The following ANKMY1 variants were observed in gnomAD, a reference collection of about 807,000 sequenced individuals.
ANKMY1 encodes ankyrin repeat and MYND domain containing 1, also known as ankyrin repeat and MYND domain-containing protein 1.
A neutral mutation model predicts 102.0 loss-of-function variants in ANKMY1; 98 were observed. The observed-to-expected ratio is 0.96, with a 90% confidence interval of 0.82 to 1.14. The LOEUF is 1.14. ANKMY1 is among the 50% of genes most tolerant of loss of function. ANKMY1 has a pLI of 0.00. For synonymous variants in ANKMY1, 582 were observed against 559.9 expected (o/e 1.04, Z -0.56); for missense variants, 1,330 against 1,347.6 (o/e 0.99, Z 0.20).
At chr2:240,509,808 T>C (rs1418981533) in intron 11 of ANKMY1, among the ~76,000 whole-genome samples, 4 of 151,990 alleles carry the variant, frequency 2.6e-5, no homozygotes, top group Admixed American at 2.6e-4. Flanking sequence ...ATACAGCAGG[T>C]GTGACTGGAG....
chr2:240,515,444 A>G (rs1352167411), intron 9 of ANKMY1, among the ~76,000 whole-genome samples: 1 of 152,112 alleles, frequency 6.6e-6, no homozygotes, highest in East Asian at 1.9e-4. Flanking sequence ...CTGGGGCAGG[A>G]AAATCACTTG....
chr2:240,494,050 G>A (rs762538993), intron 15 of ANKMY1, among the ~76,000 whole-genome samples: 1 of 152,162 alleles, frequency 6.6e-6, no homozygotes, highest in African/African-American at 2.4e-5. Context: ...GCCAGCTGAG[G>A]TGGTGGTAGC....
rs191108217 is a variant in ANKMY1 at position 240,538,588 on chromosome 2, C to T, written c.481-9079G>A. On this transcript the variant is annotated intron_variant, in intron 4 of 17. Coordinates refer to ENST00000401804, the MANE Select transcript of ANKMY1 (RefSeq NM_001282771.3). ...ACCTCCTGCACTGCCCCAGCCTCCC[C>T]GACAGGCGCCGCCCCCTGCTCCACA... is the stretch of plus-strand genomic sequence containing the variant. Among the ~76,000 whole-genome samples the T allele has an allele frequency of 1.3e-3, 204 of 152,276 alleles. 1 individual carries two copies. Among genetic ancestry groups the T allele is most frequent in the African/African-American group, 4.5e-3 (189 of 41,556 alleles).
Position 240,557,243 on chromosome 2 carries a change from G to C in ANKMY1, c.93C>G (p.Thr31=). 2 of 1,594,208 alleles carry C rather than the reference G, an allele frequency of 1.3e-6. No individual in the cohort carries two copies. Among genetic ancestry groups the C allele is most frequent in the South Asian group, 1.1e-5 (1 of 88,748 alleles). The change falls in exon 2 of 18, where the codon ACC becomes ACG. Residue 31 remains threonine (T), a synonymous_variant. Transcript: ENST00000401804. ...GGGACCCCGGCTCCTCGGCAGCAGG[G>C]GTCTCGCCGCCCTTCCCCTCTAGCG... ...QRPLEGKGGE[T]PAAEEPGSLK...
At chr2:240,487,807 T>C (rs113533936) in intron 15 of ANKMY1, among the ~76,000 whole-genome samples, 5,345 of 152,254 alleles carry the variant, frequency 0.035, 128 homozygotes, top group South Asian at 0.08. Flanking sequence ...ATTCATGTCA[T>C]TTACCCAAGT....
At chr2:240,561,054 C>T, upstream of ANKMY1, 4 of 1,501,280 alleles carry the variant, frequency 2.7e-6, no homozygotes, top group Non-Finnish European at 3.5e-6. Flanking sequence ...GCACCGCGGC[C>T]TCAGCCTGGC....
chr2:240,519,952 G>A (rs986379275), intron 9 of ANKMY1: 2 of 341,912 alleles, frequency 5.8e-6, no homozygotes, highest in African/African-American at 2.2e-5. Flanking sequence ...GATCTGTTGA[G>A]CTAAAGATAA....
At chr2:240,500,592 A>G (rs749393571) in intron 13 of ANKMY1, 27 bp from the exon 14 acceptor site, 2 of 1,598,914 alleles carry the variant, frequency 1.3e-6, no homozygotes, top group South Asian at 1.1e-5. Flanking sequence ...CAGGTCAAAC[A>G]CGCAAGGACA....
At chr2:240,536,486 G>C (rs2086776177) in intron 4 of ANKMY1, among the ~76,000 whole-genome samples, 1 of 152,130 alleles carries the variant, frequency 6.6e-6, no homozygotes, top group African/African-American at 2.4e-5. Flanking sequence ...GGCCATTTCA[G>C]GCCACAGTGC....
Position 240,520,581 on chromosome 2 carries a change from A to G in ANKMY1, c.1833-48T>C. On this transcript the variant is annotated intron_variant, in intron 8 of 17. Coordinates refer to ENST00000401804, the MANE Select transcript of ANKMY1 (RefSeq NM_001282771.3). This position sits in a 1 kb window ranked among gnomAD's most constrained non-coding sequence, Gnocchi z 4.8. ...GGGCCCCTGGAGGGCAGGCACCTGCACTGCGCCCAGAACGGGGCCATGCCA... is the reference window on the plus strand; with the variant it reads ...GGGCCCCTGGAGGGCAGGCACCTGCGCTGCGCCCAGAACGGGGCCATGCCA... 1 of 1,567,630 alleles carries G rather than the reference A, an allele frequency of 6.4e-7. No homozygotes were observed. Among genetic ancestry groups the G allele is most frequent in the Non-Finnish European group, 8.6e-7 (1 of 1,156,818 alleles).
chr2:240,520,418 C>A lies in ANKMY1; in HGVS notation c.1948G>T (p.Gly650Trp), dbSNP rs755791231. The change falls in exon 9 of 18, where the codon GGG (glycine) becomes TGG (tryptophan). Residue 650 changes from glycine (G) to tryptophan (W), a missense_variant. By Grantham distance (184) the Gly-to-Trp change is radical. Coordinates refer to ENST00000401804, the MANE Select transcript of ANKMY1 (RefSeq NM_001282771.3). The surrounding 1 kb of genome is among the most constrained non-coding windows in gnomAD (Gnocchi z 4.8). Reference sequence around the variant, plus strand: ...CCGTGCTCCAGCAGCAGCCTCACCCCATCCACGTCCCCGGCCTTCACAGCA... The same window carrying A: ...CCGTGCTCCAGCAGCAGCCTCACCCAATCCACGTCCCCGGCCTTCACAGCA... ...FLAVKAGDVD[G>W]VRLLLEHGAR... 6.2e-7 allele frequency: 1 copy of A among 1,608,382 alleles called. No individual in the cohort carries two copies. Among genetic ancestry groups the A allele is most frequent in the South Asian group, 1.1e-5 (1 of 90,064 alleles).
chr2:240,487,524 AT>A (rs796808866), intron 15 of ANKMY1, among the ~76,000 whole-genome samples: 18 of 148,484 alleles, frequency 1.2e-4, no homozygotes, highest in Admixed American at 3.4e-4. Context: ...TCAAATGATA[AT>A]TTTTTTTTTT....
Position 240,526,708 on chromosome 2 carries a change from C to T in ANKMY1, c.954-263G>A, listed in dbSNP as rs969101774. The T allele has an allele frequency of 2.9e-5, 40 of 1,382,562 alleles. No individual in the cohort carries two copies. In the South Asian group the frequency reaches 3.0e-4, roughly 10 times the overall value. 85.6% of individuals were successfully genotyped at this position (1,382,562 alleles called of 1,614,324 possible). A position where few individuals can be genotyped will look rare whatever the true frequency, so the allele number is the denominator to read the frequency against. ...TGTCCCGACAGGAATGTGCTGGCTG[C>T]GAGTACATCCATGCATCTCTGATTC... is the stretch of plus-strand genomic sequence containing the variant. On this transcript the variant is annotated intron_variant, in intron 5 of 17. Coordinates refer to ENST00000401804, the MANE Select transcript of ANKMY1 (RefSeq NM_001282771.3).
At chr2:240,527,255 A>ATGG (rs2083728853) in intron 5 of ANKMY1, 1 of 119,280 alleles carries the variant, frequency 8.4e-6, no homozygotes, top group Non-Finnish European at 1.8e-5. Flanking sequence ...GGATGGATGA[A>ATGG]AGATGCATGA....
intron 4 of ANKMY1, among the ~76,000 whole-genome samples, chr2:240,533,867 C>T (rs531547733): frequency 2.1e-4 from 32 of 152,228 alleles, no homozygotes; most frequent in Non-Finnish European, 2.5e-4. Flanking sequence ...CAGAGAAAGA[C>T]GCATCACAGG....
intron 17 of ANKMY1, 115 bp from the exon 18 acceptor site, chr2:240,479,770 G>C: frequency 1.1e-6 from 1 of 907,708 alleles, no homozygotes; most frequent in Non-Finnish European, 1.7e-6. Flanking sequence ...GCTCTGTCTA[G>C]AGCTTTTGCA....
At position 240,520,334 on chromosome 2, in the gene ANKMY1, C is replaced by G. The variant is rs2081958277; in HGVS notation, c.2004+28G>C. The G allele has an allele frequency of 6.6e-7, 1 of 1,513,774 alleles. No homozygotes were observed. Among genetic ancestry groups the G allele is most frequent in the Admixed American group, 2.1e-5 (1 of 46,876 alleles). The allele number at this position is 1,513,774 out of a possible 1,614,324, so 93.8% of individuals were successfully genotyped here. A position where few individuals can be genotyped will look rare whatever the true frequency, so the allele number is the denominator to read the frequency against. ...GTGCCCGGGAGTCTGCTGCGCTCGT[C>G]CCGGCGCCCGCCCGCCGCGGCTCCT... is the stretch of plus-strand genomic sequence containing the variant. On this transcript the variant is annotated intron_variant, in intron 9 of 17. Coordinates refer to ENST00000401804, the MANE Select transcript of ANKMY1 (RefSeq NM_001282771.3). The surrounding 1 kb of genome is among the most constrained non-coding windows in gnomAD (Gnocchi z 4.8).
chr2:240,557,210 GTTC>G lies in ANKMY1; in HGVS notation c.123_125del (p.Lys41del). ...CGCACCTTGTGGCGAAGACAGCGTA[GTTC>G]TTCAGGGACCCCGGCTCCTCGGCAG... is the stretch of plus-strand genomic sequence containing the variant. On this transcript the variant is annotated inframe_deletion, in exon 2 of 18. Transcript: ENST00000401804. The G allele has an allele frequency of 6.4e-7, 1 of 1,571,394 alleles. No homozygotes were observed. The highest frequency in any genetic ancestry group is 8.6e-7 in the Non-Finnish European group (1 of 1,156,996).
chr2:240,557,396 G>C (rs1360116924), intron 1 of ANKMY1, 44 bp from the exon 2 acceptor site: 12 of 1,412,826 alleles, frequency 8.5e-6, no homozygotes, highest in Non-Finnish European at 1.0e-5. Context: ...CAGGGCTCCC[G>C]CCGCGAACTC....
Sources: gnomAD v4.1 joint callset for allele counts (sites outside exome capture counted in the v4.1 genomes callset) on GRCh38, gnomAD v4.1.1 for gene constraint, Gnocchi (gnomAD v3.1) non-coding constraint, MANE v1.5 for transcripts, NCBI Gene and HGNC (gene_info 2026-07-23, HGNC 2026-07-21) for gene names.